The following DOK6 variants were observed in gnomAD, a reference collection of about 807,000 sequenced individuals.
DOK6 encodes downstream of tyrosine kinase 6.
In DOK6, 22 loss-of-function variants were observed where a neutral mutation model predicts 44.0. That is an observed-to-expected ratio of 0.50 (90% CI 0.36 to 0.71). The LOEUF (loss-of-function observed/expected upper bound fraction) is 0.71. Ranked by LOEUF, DOK6 falls within the 30% of genes least tolerant of loss-of-function variation. The probability of loss-of-function intolerance (pLI) is 0.00; values close to 1 mark genes in which losing one functional copy is unlikely to be tolerated. For synonymous variants in DOK6, 166 were observed against 145.5 expected (o/e 1.14, Z -1.01); for missense variants, 340 against 416.4 (o/e 0.82, Z 1.60).
intron 7 of DOK6, among the ~76,000 whole-genome samples, chr18:69,822,023 CTCTT>C (rs1444681333): frequency 6.6e-6 from 1 of 152,114 alleles, no homozygotes; most frequent in Non-Finnish European, 1.5e-5. Context: ...TCTGTATTCA[CTCTT>C]TCTTTCTCAT....
chr18:69,483,224 AC>A (rs1199751216), intron 1 of DOK6, among the ~76,000 whole-genome samples: 1 of 151,638 alleles, frequency 6.6e-6, no homozygotes. Context: ...TATCTAGAAA[AC>A]CCCCATAGTC....
chr18:69,536,534 G>T (rs1982127462), intron 1 of DOK6, among the ~76,000 whole-genome samples: 2 of 150,566 alleles, frequency 1.3e-5, no homozygotes, highest in Non-Finnish European at 3.0e-5. Flanking sequence ...TATAATTTTG[G>T]TTATTTTAAT....
rs145598035 is a variant in DOK6 at position 69,816,873 on chromosome 18, C to T, written c.857-24371C>T. On this transcript the variant is annotated intron_variant, in intron 7 of 7. Transcript: ENST00000382713. ...CCATAGCAAATTTTAACAGCAAAAA[C>T]TTCAACAGGGTCTTAGCAAAAATTG... is the stretch of plus-strand genomic sequence containing the variant. Among the ~76,000 whole-genome samples, 15 of 152,296 alleles carry T rather than the reference C, an allele frequency of 9.8e-5. No homozygotes were observed. In the East Asian group the frequency reaches 2.3e-3, roughly 23 times the overall value.
At chr18:69,649,102 C>G (rs1213166954) in intron 3 of DOK6, among the ~76,000 whole-genome samples, 3 of 152,176 alleles carry the variant, frequency 2.0e-5, no homozygotes, top group Non-Finnish European at 4.4e-5. Context: ...CTGGAGAAGT[C>G]TGTGGATATG....
chr18:69,493,281 TAAG>T (rs1193304092), intron 1 of DOK6, among the ~76,000 whole-genome samples: 1 of 152,174 alleles, frequency 6.6e-6, no homozygotes, highest in Non-Finnish European at 1.5e-5. Flanking sequence ...TATTTTTTTC[TAAG>T]AAGTAAGGGA....
At chr18:69,663,223 T>C (rs1324278645) in intron 3 of DOK6, 1 of 152,210 alleles carries the variant, frequency 6.6e-6, no homozygotes, top group Admixed American at 6.5e-5. Context: ...TCTTTGCAAG[T>C]TCTGCATTGC....
At chr18:69,472,176 G>A (rs1980131710) in intron 1 of DOK6, among the ~76,000 whole-genome samples, 2 of 152,084 alleles carry the variant, frequency 1.3e-5, no homozygotes. Context: ...CGAAAAGCCA[G>A]AAAACTACTT....
chr18:69,615,079 T>C (rs1984253698), intron 3 of DOK6, among the ~76,000 whole-genome samples: 1 of 152,192 alleles, frequency 6.6e-6, no homozygotes, highest in Admixed American at 6.5e-5. Flanking sequence ...TAATAGATTT[T>C]ATCGATGTTA....
At chr18:69,586,152 C>T (rs935659492) in intron 2 of DOK6, among the ~76,000 whole-genome samples, 1 of 152,110 alleles carries the variant, frequency 6.6e-6, no homozygotes, top group Non-Finnish European at 1.5e-5. Context: ...TCCAGAAATG[C>T]CAACGAGAAG....
intron 3 of DOK6, among the ~76,000 whole-genome samples, chr18:69,674,831 T>C (rs1274045145): frequency 6.6e-6 from 1 of 152,106 alleles, no homozygotes; most frequent in Non-Finnish European, 1.5e-5. Context: ...GACTCTATGA[T>C]TATTGAGAGC....
chr18:69,697,116 A>C (rs758907309), intron 4 of DOK6, among the ~76,000 whole-genome samples: 19 of 147,676 alleles, frequency 1.3e-4, no homozygotes, highest in Admixed American at 1.4e-4. Context: ...TGGTTATGTT[A>C]ATTTGTAATT....
intron 5 of DOK6, among the ~76,000 whole-genome samples, chr18:69,714,586 T>C (rs1033987028): frequency 1.3e-5 from 2 of 152,220 alleles, no homozygotes; most frequent in African/African-American, 4.8e-5. Flanking sequence ...CTGTTAATGT[T>C]CTTTTATAAA....
intron 7 of DOK6, among the ~76,000 whole-genome samples, chr18:69,778,378 A>G (rs910100369): frequency 1.6e-5 from 2 of 124,872 alleles, no homozygotes; most frequent in African/African-American, 5.1e-5. Flanking sequence ...AACAAAAAAC[A>G]GAGGCCATAG....
chr18:69,530,476 G>A (rs1321119404), intron 1 of DOK6, among the ~76,000 whole-genome samples: 3 of 152,098 alleles, frequency 2.0e-5, no homozygotes, highest in Non-Finnish European at 4.4e-5. Context: ...TATGCTTTCA[G>A]TGATTCACCA....
At chr18:69,783,592 C>T (rs1980342255) in intron 7 of DOK6, among the ~76,000 whole-genome samples, 1 of 152,148 alleles carries the variant, frequency 6.6e-6, no homozygotes, top group South Asian at 2.1e-4. Flanking sequence ...GTGAGTTCCA[C>T]ATGACCTCTG....
intron 2 of DOK6, among the ~76,000 whole-genome samples, chr18:69,588,821 T>A (rs1163683285): frequency 1.3e-5 from 1 of 77,570 alleles, no homozygotes; most frequent in Non-Finnish European, 3.8e-5. Context: ...ATAATTATAT[T>A]GATATAATTC....
chr18:69,617,624 A>AGAGG (rs1176353596), intron 3 of DOK6, among the ~76,000 whole-genome samples: 9 of 150,702 alleles, frequency 6.0e-5, no homozygotes, highest in African/African-American at 1.2e-4. Context: ...AAAGAAAGAA[A>AGAGG]GAGGGAGGGA....
chr18:69,643,311 T>C (rs901946914), intron 3 of DOK6, among the ~76,000 whole-genome samples: 21 of 152,298 alleles, frequency 1.4e-4, no homozygotes, highest in African/African-American at 5.1e-4. Flanking sequence ...GTGTGTATGT[T>C]CTATACATTT....
intron 1 of DOK6, among the ~76,000 whole-genome samples, chr18:69,410,777 A>T (rs1380013859): frequency 6.6e-6 from 1 of 152,294 alleles, no homozygotes; most frequent in South Asian, 2.1e-4. Flanking sequence ...GGCTATTTAA[A>T]TTGTACTTAA....
Sources: allele counts gnomAD v4.1 joint callset (sites outside exome capture counted in the v4.1 genomes callset), GRCh38; gene constraint gnomAD v4.1.1; transcripts MANE v1.5; gene names NCBI Gene and HGNC (gene_info 2026-07-23, HGNC 2026-07-21).